The following AHNAK2 variants were observed in gnomAD, a reference collection of about 807,000 sequenced individuals.
The protein encoded by AHNAK2 is protein AHNAK2.
AHNAK2 carries 18 observed loss-of-function variants against 30.7 expected under a neutral mutation model. That is an observed-to-expected ratio of 0.59 (90% confidence interval 0.41 to 0.87). AHNAK2 has a LOEUF of 0.87. Among genes scored for constraint, AHNAK2 ranks in the 40% least tolerant of loss-of-function variants. The pLI, the probability that AHNAK2 is intolerant of heterozygous loss-of-function variation, is 0.00. For missense variants in AHNAK2, 8,604 were observed against 7,373.0 expected, an observed-to-expected ratio of 1.17 and a Z score of -6.11; for synonymous variants, 3,590 against 3,073.8, an observed-to-expected ratio of 1.17 and a Z score of -5.56.
rs750763832 is a variant in AHNAK2 at position 104,944,577 on chromosome 14, G to A, written c.10874C>T (p.Ser3625Phe). 6.2e-7 allele frequency: 1 copy of A among 1,613,236 alleles called. No homozygotes were observed. The highest frequency in any genetic ancestry group is 1.1e-5 in the South Asian group (1 of 91,044). ...LDAGRLEGDLSLADKDVTAKD... is the reference protein window; with the variant it reads ...LDAGRLEGDLFLADKDVTAKD... ...GGCAGTCACGTCCTTGTCAGCCAGG[G>A]ACAGGTCTCCCTCCAGCCGCCCAGC... Residue 3625 changes from serine to phenylalanine, a missense_variant, in exon 7 of 7, where the codon TCC (serine) becomes TTC (phenylalanine). Physicochemically the swap from Ser to Phe is radical, Grantham distance 155. Transcript: ENST00000333244.
rs749939034 is a variant in AHNAK2 at position 104,948,146 on chromosome 14, C to G, written c.7305G>C (p.Thr2435=). 2.5e-6 allele frequency: 4 copies of G among 1,612,582 alleles called. No individual in the cohort carries two copies. The highest frequency in any genetic ancestry group is 3.4e-6 in the Non-Finnish European group (4 of 1,179,586). ...GPKLDLKGPK[T]DVMAPDVEVS... The stretch of plus-strand genomic sequence containing the variant: ...CCTCCACGTCGGGGGCCATCACGTC[C>G]GTCTTGGGGCCTTTCAGGTCCAGCT... Residue 2435 remains threonine, a synonymous_variant, in exon 7 of 7, where the codon ACG becomes ACC. Coordinates refer to ENST00000333244, the MANE Select transcript of AHNAK2 (RefSeq NM_138420.4).
rs199575096 is a variant in AHNAK2, at chr14:104,942,005, G to T, written c.13446C>A (p.Ile4482=). 7.4e-6 allele frequency: 12 copies of T among 1,613,324 alleles called. No individual in the cohort carries two copies. Among genetic ancestry groups the T allele is most frequent in the Admixed American group, 6.7e-5 (4 of 59,948 alleles). The change falls in exon 7 of 7, where the codon ATC becomes ATA. Residue 4482 remains isoleucine (I), a synonymous_variant. Coordinates refer to ENST00000333244, the MANE Select transcript of AHNAK2 (RefSeq NM_138420.4). The part of the protein sequence containing the change: ...SFGMLSPGKS[I]EVSVDVSAPK... ...GCGCAGACACATCCACCGAGACCTC[G>T]ATGGACTTGCCTGGGGACAACATCC... is the stretch of plus-strand genomic sequence containing the variant.
chr14:104,957,498 C>A lies in AHNAK2; in HGVS notation c.125G>T (p.Gly42Val). 1 of 1,598,170 alleles carries A rather than the reference C, an allele frequency of 6.3e-7. No individual in the cohort carries two copies. The change falls in exon 3 of 7, where the codon GGG becomes GTG. Residue 42 changes from glycine (G) to valine (V), a missense_variant. Coordinates refer to ENST00000333244, the MANE Select transcript of AHNAK2 (RefSeq NM_138420.4). Reference sequence around the variant, plus strand: ...TGGTCGAATGCCCTCATCCGCAGGCCCTTCAGTCACCTGACGGGAGAGAAT... The same window carrying A: ...TGGTCGAATGCCCTCATCCGCAGGCACTTCAGTCACCTGACGGGAGAGAAT... ...ETEDDHSVTEGPADEGIRPRP... is the reference protein window; with the variant it reads ...ETEDDHSVTEVPADEGIRPRP...
At position 104,949,394 on chromosome 14, in the gene AHNAK2, C is replaced by T. The variant is rs139340205; in HGVS notation, c.6057G>A (p.Glu2019=). 1.5e-3 allele frequency: 2,387 copies of T among 1,581,786 alleles called. 153 individuals are homozygous for T. The East Asian group carries it at 0.026, about 17-fold the overall frequency. The change falls in exon 7 of 7, where the codon GAG becomes GAA. Residue 2019 remains glutamate (E), a synonymous_variant. Transcript: ENST00000333244. ...GCATGGAGGGGAGACTCACGTCGGCCTCCACCTTGGGTGCAGGCACATCCA... is the reference window on the plus strand; with the variant it reads ...GCATGGAGGGGAGACTCACGTCGGCTTCCACCTTGGGTGCAGGCACATCCA... The part of the protein sequence containing the change: ...ASVDVPAPKV[E]ADVSLPSMQG...
rs746086728 is a variant in AHNAK2, at chr14:104,946,447, C to A, written c.9004G>T (p.Asp3002Tyr). ...APGKSIEVSV[D>Y]VSAPKVEAEV... ...GCCTCCACCTTCGGCGCAGACACAT[C>A]CACCGAGACCTCAATGGACTTGCCT... is the stretch of plus-strand genomic sequence containing the variant. Residue 3002 changes from aspartate (D) to tyrosine (Y), a missense_variant, in exon 7 of 7, where the codon GAT becomes TAT. Asp to Tyr is a radical substitution (Grantham distance 160, BLOSUM62 -3). Coordinates refer to ENST00000333244, the MANE Select transcript of AHNAK2 (RefSeq NM_138420.4). The A allele has an allele frequency of 2.2e-5, 36 of 1,612,828 alleles. No individual in the cohort carries two copies. The highest frequency in any genetic ancestry group is 2.8e-5 in the Non-Finnish European group (33 of 1,179,642).
chr14:104,962,381 C>G (rs1899173635), intron 1 of AHNAK2, among the ~76,000 whole-genome samples: 1 of 152,192 alleles, frequency 6.6e-6, no homozygotes, highest in Admixed American at 6.5e-5. Context: ...AAACAAAGTC[C>G]AGAACAGCCC....
In AHNAK2 at chr14:104,950,814, G is replaced by A. The variant is rs376784230; in HGVS notation, c.4637C>T (p.Pro1546Leu). The stretch of plus-strand genomic sequence containing the variant: ...AGCCTGGACCTCCAGGTCAGCAGAA[G>A]GGGGCTGTATGCTCAGGTCAGTGGC... ...LKATDLSIQP[P>L]SADLEVQAGQ... Residue 1546 changes from proline to leucine, a missense_variant, in exon 7 of 7, where the codon CCT becomes CTT. By Grantham distance (98) the Pro-to-Leu change is moderately conservative. Transcript: ENST00000333244. The A allele has an allele frequency of 3.2e-6, 5 of 1,585,550 alleles. No homozygotes were observed. The highest frequency in any genetic ancestry group is 1.4e-5 in the African/African-American group (1 of 73,348).
rs200397337 is a variant in AHNAK2, at chr14:104,947,275, C to T, written c.8176G>A (p.Gly2726Ser). The change falls in exon 7 of 7, where the codon GGC becomes AGC. Residue 2726 changes from glycine to serine, a missense_variant. Gly to Ser is a moderately conservative substitution (Grantham distance 56). Transcript: ENST00000333244. ...LPEGHVPEGA[G>S]LKGHLPKLQM... ...AGCTTGGGCAGGTGCCCTTTGAGGC[C>T]GGCTCCCTCGGGAACGTGGCCCTCT... The T allele has an allele frequency of 3.6e-4, 578 of 1,611,338 alleles. 1 individual carries two copies. Among genetic ancestry groups the T allele is most frequent in the Non-Finnish European group, 4.2e-4 (490 of 1,179,288 alleles).
rs1456217878 is a variant in AHNAK2 at position 104,949,922 on chromosome 14, C to T, written c.5529G>A (p.Glu1843=). ...FGVSAPGKSI[E]ASVDVSAPKV... ...TCGGCGCAGACACATCCACCGAGGCCTCGATGGACTTGCCTGGGGCAGACA... is the reference window on the plus strand; with the variant it reads ...TCGGCGCAGACACATCCACCGAGGCTTCGATGGACTTGCCTGGGGCAGACA... The change falls in exon 7 of 7, where the codon GAG becomes GAA. Residue 1843 remains glutamate (E), a synonymous_variant. Coordinates refer to ENST00000333244, the MANE Select transcript of AHNAK2 (RefSeq NM_138420.4). 11 of 1,589,684 alleles carry T rather than the reference C, an allele frequency of 6.9e-6. No homozygotes were observed. In the Admixed American group the frequency reaches 1.9e-4, roughly 27 times the overall value.
chr14:104,947,383 C>A lies in AHNAK2; in HGVS notation c.8068G>T (p.Asp2690Tyr), dbSNP rs559989165. The change falls in exon 7 of 7, where the codon GAC (aspartate) becomes TAC (tyrosine). Residue 2690 changes from aspartate to tyrosine, a missense_variant. By Grantham distance (160) the Asp-to-Tyr change is radical. Coordinates refer to ENST00000333244, the MANE Select transcript of AHNAK2 (RefSeq NM_138420.4). The stretch of plus-strand genomic sequence containing the variant: ...ATGCTGATGTCAGTGGTCTTAAGGT[C>A]CCCTTGCATGGAGGGGAGGCTCATG... ...ADMSLPSMQGDLKTTDISIQP... is the reference protein window; with the variant it reads ...ADMSLPSMQGYLKTTDISIQP... 6.2e-6 allele frequency: 10 copies of A among 1,612,692 alleles called. No individual in the cohort carries two copies. In the South Asian group the frequency reaches 9.9e-5, roughly 16 times the overall value.
rs1899297317 is a variant in AHNAK2, at chr14:104,966,207, A to AC, written c.56-8536dup. Among the ~76,000 whole-genome samples, 1 of 151,060 alleles carries AC rather than the reference A, an allele frequency of 6.6e-6. No homozygotes were observed. The highest frequency in any genetic ancestry group is 6.6e-5 in the Admixed American group (1 of 15,182). On this transcript the variant is annotated intron_variant, in intron 1 of 6. Transcript: ENST00000333244. This position sits in a 1 kb window ranked among gnomAD's most constrained non-coding sequence, Gnocchi z 4.3. ...TCAGTGCCAGGAGGCATCAACACTCACCCCCACGTCATCCCGGCCCCGCCA... is the reference window on the plus strand; with the variant it reads ...TCAGTGCCAGGAGGCATCAACACTCACCCCCCACGTCATCCCGGCCCCGCCA...
rs749967968 is a variant in AHNAK2, at chr14:104,952,505, C to T, written c.2946G>A (p.Gly982=). 3.1e-5 allele frequency: 50 copies of T among 1,612,520 alleles called. No individual in the cohort carries two copies. The Admixed American group carries it at 5.3e-4, about 17-fold the overall frequency. Residue 982 remains glycine, a synonymous_variant, in exon 7 of 7, where the codon GGG becomes GGA. Coordinates refer to ENST00000333244, the MANE Select transcript of AHNAK2 (RefSeq NM_138420.4). ...KAKLDGAWLE[G]DLSLADKDVT... The stretch of plus-strand genomic sequence containing the variant: ...CGTCCTTGTCGGCCAGGGACAGGTC[C>T]CCCTCCAGCCACGCACCATCCAGCT...
rs371001110 is a variant in AHNAK2 at position 104,947,510 on chromosome 14, C to T, written c.7941G>A (p.Lys2647=). The change falls in exon 7 of 7, where the codon AAG becomes AAA. Residue 2647 remains lysine (K), a synonymous_variant. Coordinates refer to ENST00000333244, the MANE Select transcript of AHNAK2 (RefSeq NM_138420.4). ...ADKGVTAKDS[K]FKMPKFKMPS... ...GCATCTTGAACTTGGGCATTTTGAACTTGCTATCTTTGGCTGTCACACCCT... is the reference window on the plus strand; with the variant it reads ...GCATCTTGAACTTGGGCATTTTGAATTTGCTATCTTTGGCTGTCACACCCT... The T allele has an allele frequency of 1.2e-5, 20 of 1,612,522 alleles. No homozygotes were observed. The highest frequency in any genetic ancestry group is 1.7e-5 in the Non-Finnish European group (20 of 1,179,628).
Position 104,941,297 on chromosome 14 carries a change from T to C in AHNAK2, c.14154A>G (p.Lys4718=), listed in dbSNP as rs755058434. ...KVSFSSTKTP[K]DSLVPGAKSS... ...ACTTTGCACCTGGGACTAAACTATC[T>C]TTAGGAGTTTTGGTAGAAGAAAATG... The change falls in exon 7 of 7, where the codon AAA becomes AAG. Residue 4718 remains lysine (K), a synonymous_variant. Transcript: ENST00000333244. The C allele has an allele frequency of 5.0e-6, 8 of 1,613,538 alleles. No homozygotes were observed. The highest frequency in any genetic ancestry group is 6.8e-6 in the Non-Finnish European group (8 of 1,179,842).
At position 104,938,366 on chromosome 14, in the gene AHNAK2, G is replaced by A; in HGVS notation, c.17085C>T (p.Gly5695=). The A allele has an allele frequency of 6.2e-7, 1 of 1,613,950 alleles. No individual in the cohort carries two copies. Among genetic ancestry groups the A allele is most frequent in the African/African-American group, 1.3e-5 (1 of 75,038 alleles). ...ACCCTAATTTGGGAAATCGGAACCA[G>A]CCTGCCTTCTCCTGTTTTTTAGGCA... ...AELPKKQEKA[G]WFRFPKLGFS... Residue 5695 remains glycine (G), a synonymous_variant, in exon 7 of 7, where the codon GGC becomes GGT. Transcript: ENST00000333244.
At chr14:104,975,521 G>A (rs780838980) in intron 1 of AHNAK2, among the ~76,000 whole-genome samples, 13 of 152,200 alleles carry the variant, frequency 8.5e-5, no homozygotes, top group Non-Finnish European at 1.5e-4. Context: ...TGCCACTAGC[G>A]GCTACAGAGG....
Position 104,940,510 on chromosome 14 carries a change from C to G in AHNAK2, c.14941G>C (p.Val4981Leu). The change falls in exon 7 of 7, where the codon GTG becomes CTG. Residue 4981 changes from valine to leucine, a missense_variant. Coordinates refer to ENST00000333244, the MANE Select transcript of AHNAK2 (RefSeq NM_138420.4). The surrounding 1 kb of genome is among the most constrained non-coding windows in gnomAD (Gnocchi z 4.4). ...ACCAGGCTGAGTTTTGAGTCCTCCA[C>G]GCTGCATTCTGGGTCCACCTTTGGC... ...TGPKVDPECSVEDSKLSLVLD... is the reference protein window; with the variant it reads ...TGPKVDPECSLEDSKLSLVLD... 1 of 1,613,790 alleles carries G rather than the reference C, an allele frequency of 6.2e-7. No homozygotes were observed. The highest frequency in any genetic ancestry group is 8.5e-7 in the Non-Finnish European group (1 of 1,179,900).
At position 104,963,852 on chromosome 14, in the gene AHNAK2, G is replaced by A. The variant is rs796449884; in HGVS notation, c.56-6180C>T. On this transcript the variant is annotated intron_variant, in intron 1 of 6. Coordinates refer to ENST00000333244, the MANE Select transcript of AHNAK2 (RefSeq NM_138420.4). ...CTAAAAAAAAAAAAGAAAAAAAAAA[G>A]AGAGAGAGAGAAAAGAATTAAGAGC... Among the ~76,000 whole-genome samples, 1,018 of 145,806 alleles carry A rather than the reference G, an allele frequency of 7.0e-3. 17 individuals carry two copies. Among genetic ancestry groups the A allele is most frequent in the African/African-American group, 0.026 (968 of 37,902 alleles).
chr14:104,967,817 G>A (rs867295804), intron 1 of AHNAK2, among the ~76,000 whole-genome samples: 10 of 152,196 alleles, frequency 6.6e-5, no homozygotes, highest in Non-Finnish European at 1.0e-4. Flanking sequence ...TACCGGCCTC[G>A]GACCCGCGCC....
Sources: gnomAD v4.1 joint callset for allele counts (sites outside exome capture counted in the v4.1 genomes callset) on GRCh38, gnomAD v4.1.1 for gene constraint, Gnocchi (gnomAD v3.1) non-coding constraint, MANE v1.5 for transcripts, NCBI Gene and HGNC (gene_info 2026-07-23, HGNC 2026-07-21) for gene names.